Variants in ZNF518A observed in about 807,000 individuals in gnomAD.
ZNF518A encodes the protein zinc finger protein 518.
ZNF518A carries 47 observed loss-of-function variants against 102.7 expected under a neutral mutation model. The ratio of observed to expected loss-of-function variants is 0.46; its 90% CI spans 0.36 to 0.58. ZNF518A has a LOEUF of 0.58. Among genes scored for constraint, ZNF518A ranks in the 20% least tolerant of loss-of-function variants. ZNF518A has a pLI of 0.00. For synonymous variants in ZNF518A, 652 were observed against 594.6 expected (o/e 1.10, Z -1.40); for missense variants, 1,793 against 1,699.8 (o/e 1.05, Z -0.96).
At position 96,156,596 on chromosome 10, in the gene ZNF518A, T is replaced by C. The variant is rs373104408; in HGVS notation, c.274T>C (p.Cys92Arg). ...ATCTATCAGTATAAAGACTGTAAGC[T>C]GTGTAGAGGAGTGTACATTGCTTCA... Reference protein sequence around the residue: ...RKSISIKTVSCVEECTLLHKS... With the variant: ...RKSISIKTVSRVEECTLLHKS... The change falls in exon 6 of 6, where the codon TGT becomes CGT. Residue 92 changes from cysteine (C) to arginine (R), a missense_variant. Cys to Arg is a radical substitution (Grantham distance 180). This residue lies in a region of ZNF518A where 1,741 missense variants were observed against 1,622.6 expected (regional missense o/e 1.07). Transcript: ENST00000316045. 3.1e-6 allele frequency: 5 copies of C among 1,613,818 alleles called. No homozygotes were observed. Among genetic ancestry groups the C allele is most frequent in the Non-Finnish European group, 4.2e-6 (5 of 1,179,762 alleles).
chr10:96,158,111 A>G lies in ZNF518A; in HGVS notation c.1789A>G (p.Ser597Gly). 1 of 1,613,612 alleles carries G rather than the reference A, an allele frequency of 6.2e-7. No individual in the cohort carries two copies. The highest frequency in any genetic ancestry group is 1.3e-5 in the African/African-American group (1 of 75,050). ...HPEVLGTTIKSPDKVNCVAKP... is the reference protein window; with the variant it reads ...HPEVLGTTIKGPDKVNCVAKP... ...CGAGGTATTAGGTACCACCATTAAA[A>G]GTCCAGATAAAGTCAACTGTGTTGC... is the stretch of plus-strand genomic sequence containing the variant. Residue 597 changes from serine to glycine, a missense_variant, in exon 6 of 6, where the codon AGT becomes GGT. This residue lies in a region of ZNF518A where 1,741 missense variants were observed against 1,622.6 expected (regional missense o/e 1.07). Coordinates refer to ENST00000316045, the MANE Select transcript of ZNF518A (RefSeq NM_001330736.2).
chr10:96,141,436 A>T (rs587740451), intron 3 of ZNF518A, among the ~76,000 whole-genome samples: 13 of 152,348 alleles, frequency 8.5e-5, no homozygotes, highest in African/African-American at 1.2e-4. Flanking sequence ...GTGACCGAAA[A>T]CTATATGAAC....
chr10:96,155,983 A>G lies in ZNF518A; in HGVS notation c.-191A>G, dbSNP rs587641175. On this transcript the variant is annotated 5_prime_UTR_variant, in exon 5 of 6. Transcript: ENST00000316045. ...TCCCAAGGTCACACAGCAGAGCTGG[A>G]ACTAGAGCTTGCATTTCCTGACTTC... is the stretch of plus-strand genomic sequence containing the variant. 3.5e-4 allele frequency: 57 copies of G among 161,256 alleles called. No homozygotes were observed. The South Asian group carries it at 8.0e-3, about 23-fold the overall frequency. 10.0% of individuals were successfully genotyped at this position (161,256 alleles called of 1,614,324 possible).
intron 1 of ZNF518A, chr10:96,197,031 G>C (rs782481221): frequency 6.2e-7 from 1 of 1,612,820 alleles, no homozygotes; most frequent in Non-Finnish European, 8.5e-7. Context: ...TGGAATCATG[G>C]CCAGAGCTTT....
At chr10:96,153,242 G>A (rs1332828114) in intron 3 of ZNF518A, among the ~76,000 whole-genome samples, 1 of 152,086 alleles carries the variant, frequency 6.6e-6, no homozygotes, top group Admixed American at 6.6e-5. Context: ...TTTTTGTTCT[G>A]TCAAGGCCCC....
intron 1 of ZNF518A, among the ~76,000 whole-genome samples, chr10:96,174,739 C>CAGATAGATAGATAGATAGAT (rs57745529): frequency 1.1e-3 from 162 of 151,114 alleles, no homozygotes; most frequent in Non-Finnish European, 1.9e-3. Context: ...AAAAAAATTA[C>CAGATAGATAGATAGATAGAT]AGATAGATAG....
In ZNF518A at chr10:96,200,404, A is replaced by C. The variant is rs1018759571; in HGVS notation, n.36-3170A>C. On this transcript the variant is annotated intron_variant and non_coding_transcript_variant, in intron 1 of 2. Transcript: ENST00000442635. This position sits in a 1 kb window ranked among gnomAD's most constrained non-coding sequence, Gnocchi z 4.3. ...ATTATTTCTTTCTTTCTCCTAAATA[A>C]GTAATAATCCCCCTTTCCATTGTGC... 6.6e-6 allele frequency among the ~76,000 whole-genome samples: 1 copy of C among 152,182 alleles called. No homozygotes were observed. Among genetic ancestry groups the C allele is most frequent in the East Asian group, 1.9e-4 (1 of 5,200 alleles).
chr10:96,152,056 A>G (rs949575378), intron 3 of ZNF518A, among the ~76,000 whole-genome samples: 9 of 152,232 alleles, frequency 5.9e-5, no homozygotes, highest in African/African-American at 2.2e-4. Flanking sequence ...ACACACCTAT[A>G]ATCTCAACAC....
At position 96,159,165 on chromosome 10, in the gene ZNF518A, C is replaced by T; in HGVS notation, c.2843C>T (p.Pro948Leu). ...ATACCATTGAACATTACTAACAAGC[C>T]TGGGCTACCAGTTATTCCTGGAAAT... ...FLIPLNITNK[P>L]GLPVIPGNAL... Residue 948 changes from proline (P) to leucine (L), a missense_variant, in exon 6 of 6, where the codon CCT becomes CTT. This residue lies in a region of ZNF518A where 1,741 missense variants were observed against 1,622.6 expected (regional missense o/e 1.07). Coordinates refer to ENST00000316045, the MANE Select transcript of ZNF518A (RefSeq NM_001330736.2). 4 of 1,613,724 alleles carry T rather than the reference C, an allele frequency of 2.5e-6. No individual in the cohort carries two copies. The highest frequency in any genetic ancestry group is 2.5e-6 in the Non-Finnish European group (3 of 1,179,734).
In ZNF518A at chr10:96,149,873, A is replaced by G. The variant is rs587658333; in HGVS notation, c.-301-5453A>G. Among the ~76,000 whole-genome samples the G allele has an allele frequency of 1.6e-4, 25 of 152,310 alleles. No homozygotes were observed. The East Asian group carries it at 4.8e-3, about 29-fold the overall frequency. The stretch of plus-strand genomic sequence containing the variant: ...TTTCCTCAAAGAGTACATATGTAGT[A>G]TATTTTCTGAATCTTTGCATATCTA... On this transcript the variant is annotated intron_variant, in intron 3 of 5. Transcript: ENST00000316045.
chr10:96,148,948 C>A (rs1375453972), intron 3 of ZNF518A, among the ~76,000 whole-genome samples: 1 of 152,178 alleles, frequency 6.6e-6, no homozygotes, highest in Non-Finnish European at 1.5e-5. Context: ...ATCTCCTGAC[C>A]TGGTGATCTG....
rs782793560 is a variant in ZNF518A at position 96,156,541 on chromosome 10, A to G, written c.219A>G (p.Leu73=). ...ATGAAGTTGACAAATACAGAAAATTATTTCAGAGTAAACAGCAGACTGCAA... is the reference window on the plus strand; with the variant it reads ...ATGAAGTTGACAAATACAGAAAATTGTTTCAGAGTAAACAGCAGACTGCAA... ...LKHEVDKYRK[L]FQSKQQTARK... Residue 73 remains leucine (L), a synonymous_variant, in exon 6 of 6, where the codon TTA becomes TTG. Transcript: ENST00000316045. The G allele has an allele frequency of 6.2e-7, 1 of 1,612,204 alleles. No individual in the cohort carries two copies. The highest frequency in any genetic ancestry group is 1.1e-5 in the South Asian group (1 of 90,466).
At chr10:96,189,312 G>C (rs1330704527) in intron 1 of ZNF518A, 3 of 488,790 alleles carry the variant, frequency 6.1e-6, no homozygotes, top group Admixed American at 5.0e-5. Flanking sequence ...GACTGTTAGA[G>C]AAATGAAATA....
intron 3 of ZNF518A, among the ~76,000 whole-genome samples, chr10:96,141,335 T>C (rs2133296451): frequency 6.6e-6 from 1 of 152,336 alleles, no homozygotes; most frequent in South Asian, 2.1e-4. Context: ...GTGTGTATTG[T>C]AAAAGGTTAC....
At chr10:96,138,600 G>A (rs944308309) in intron 3 of ZNF518A, among the ~76,000 whole-genome samples, 1 of 152,122 alleles carries the variant, frequency 6.6e-6, no homozygotes, top group Non-Finnish European at 1.5e-5. Flanking sequence ...TTTCTCTGTA[G>A]CAATTGTTGC....
At chr10:96,150,723 G>GCAGCAAC (rs1427824378) in intron 3 of ZNF518A, among the ~76,000 whole-genome samples, 1 of 57,426 alleles carries the variant, frequency 1.7e-5, no homozygotes, top group Non-Finnish European at 3.9e-5. Context: ...TTTTTTTATT[G>GCAGCAAC]CAGCAACTTT....
In ZNF518A at chr10:96,200,174, C is replaced by T; in HGVS notation, n.36-3400C>T. 3 of 1,611,362 alleles carry T rather than the reference C, an allele frequency of 1.9e-6. No individual in the cohort carries two copies. The highest frequency in any genetic ancestry group is 2.2e-5 in the South Asian group (2 of 90,868). On this transcript the variant is annotated intron_variant and non_coding_transcript_variant, in intron 1 of 2. Coordinates refer to the ZNF518A transcript ENST00000442635. The surrounding 1 kb of genome is among the most constrained non-coding windows in gnomAD (Gnocchi z 4.3). ...CGCCAGCTTCCTGTGAAATGGAGGGCACTGGTCAGCATGGGATGGTCCCTA... is the reference window on the plus strand; with the variant it reads ...CGCCAGCTTCCTGTGAAATGGAGGGTACTGGTCAGCATGGGATGGTCCCTA...
At chr10:96,202,415 A>AT (rs1324537735) in intron 1 of ZNF518A, among the ~76,000 whole-genome samples, 1 of 152,200 alleles carries the variant, frequency 6.6e-6, no homozygotes, top group Non-Finnish European at 1.5e-5. Context: ...TTCTGGATCT[A>AT]TTTTGAAGGA....
At chr10:96,154,424 CCTT>C (rs1271656577) in intron 3 of ZNF518A, among the ~76,000 whole-genome samples, 10 of 152,014 alleles carry the variant, frequency 6.6e-5, no homozygotes, top group Admixed American at 1.3e-4. Flanking sequence ...CTCCCTCCCT[CCTT>C]CTTTTCTTTT....
Sources: allele counts gnomAD v4.1 joint callset (sites outside exome capture counted in the v4.1 genomes callset), GRCh38; gene constraint gnomAD v4.1.1; regional missense constraint gnomAD v4.1.1; non-coding constraint Gnocchi (gnomAD v3.1); transcripts MANE v1.5; gene names NCBI Gene and HGNC (gene_info 2026-07-23, HGNC 2026-07-21).